Variants in ZNF704 observed in about 807,000 individuals in gnomAD.
The protein encoded by ZNF704 is zinc finger protein 704, also known as glucocorticoid induced gene 1.
ZNF704 carries 10 observed loss-of-function variants against 44.7 expected under a neutral mutation model. The ratio of observed to expected loss-of-function variants is 0.22; its 90% CI spans 0.14 to 0.38. The LOEUF (loss-of-function observed/expected upper bound fraction) is 0.38, where lower values mean the gene tolerates loss of function less well. Among genes scored for constraint, ZNF704 ranks in the 10% least tolerant of loss-of-function variants. The probability of loss-of-function intolerance (pLI) is 1.00; values close to 1 mark genes in which losing one functional copy is unlikely to be tolerated. For missense variants in ZNF704, 390 were observed against 545.5 expected (o/e 0.71, Z 2.84); for synonymous variants, 211 against 207.6 (o/e 1.02, Z -0.14).
chr8:80,795,281 C>T (rs558641599), intron 2 of ZNF704, among the ~76,000 whole-genome samples: 41 of 152,104 alleles, frequency 2.7e-4, no homozygotes, highest in Middle Eastern at 6.8e-3. Context: ...TTTAATGGCA[C>T]GGAATAAAAA....
At chr8:80,829,272 A>C (rs1370883041) in intron 1 of ZNF704, among the ~76,000 whole-genome samples, 1 of 152,194 alleles carries the variant, frequency 6.6e-6, no homozygotes, top group Non-Finnish European at 1.5e-5. Context: ...ATCACTAGTC[A>C]ATGCACTGCG....
intron 1 of ZNF704, among the ~76,000 whole-genome samples, chr8:80,868,168 T>G (rs1809189989): frequency 1.3e-5 from 2 of 152,218 alleles, no homozygotes; most frequent in Non-Finnish European, 2.9e-5. Flanking sequence ...CTTTTCTGGT[T>G]TTTTGGTAAT....
Position 80,793,604 on chromosome 8 carries a change from ATAG to A in ZNF704, c.221+27767_221+27769del, listed in dbSNP as rs1189815868. Reference sequence around the variant, plus strand: ...TGGGTAGAATAATAACAAAGTATTAATAGTAGTATCCATAAACCAAACGGCTGG... The same window carrying A: ...TGGGTAGAATAATAACAAAGTATTAATAGTATCCATAAACCAAACGGCTGG... On this transcript the variant is annotated intron_variant, in intron 2 of 8. Transcript: ENST00000327835. Among the ~76,000 whole-genome samples the A allele has an allele frequency of 4.6e-5, 7 of 152,106 alleles. No homozygotes were observed. The South Asian group carries it at 8.3e-4, about 18-fold the overall frequency.
At chr8:80,643,990 G>A (rs1390764955) in intron 7 of ZNF704, among the ~76,000 whole-genome samples, 1 of 152,108 alleles carries the variant, frequency 6.6e-6, no homozygotes, top group Non-Finnish European at 1.5e-5. Flanking sequence ...AGACTCTCAC[G>A]TCCCAACAGG....
chr8:80,647,866 T>C (rs1235227150), intron 7 of ZNF704, among the ~76,000 whole-genome samples: 1 of 152,180 alleles, frequency 6.6e-6, no homozygotes, highest in Non-Finnish European at 1.5e-5. Context: ...GAACAGGGTT[T>C]GAGGGACATG....
At chr8:80,783,994 G>C (rs1226971823) in intron 2 of ZNF704, among the ~76,000 whole-genome samples, 1 of 152,150 alleles carries the variant, frequency 6.6e-6, no homozygotes, top group Non-Finnish European at 1.5e-5. Context: ...AGCCTTTTCA[G>C]ATTGGCTTCT....
chr8:80,865,413 A>G (rs1297935356), intron 1 of ZNF704, among the ~76,000 whole-genome samples: 1 of 152,216 alleles, frequency 6.6e-6, no homozygotes, highest in Non-Finnish European at 1.5e-5. Flanking sequence ...CAGAGAAGTA[A>G]CAGTTGGGTG....
At chr8:80,727,467 T>A (rs1029390191) in intron 2 of ZNF704, among the ~76,000 whole-genome samples, 46 of 151,910 alleles carry the variant, frequency 3.0e-4, no homozygotes, top group Non-Finnish European at 4.4e-5. Context: ...TAATACAAAA[T>A]AACCAAAACG....
At position 80,634,260 on chromosome 8, in the gene ZNF704, C is replaced by G. The variant is rs1483136588; in HGVS notation, c.*7106G>C. On this transcript the variant is annotated 3_prime_UTR_variant, in exon 9 of 9. Coordinates refer to ENST00000327835, the MANE Select transcript of ZNF704 (RefSeq NM_001033723.3). ...TGATTCAACACTTTACGGGGCACAG[C>G]CTGGGCATGCCAAAAGGAGGCAGAG... 6.6e-6 allele frequency: 1 copy of G among 152,246 alleles called. No individual in the cohort carries two copies. The highest frequency in any genetic ancestry group is 1.5e-5 in the Non-Finnish European group (1 of 68,068). 9.4% of individuals were successfully genotyped at this position (152,246 alleles called of 1,614,324 possible).
intron 2 of ZNF704, among the ~76,000 whole-genome samples, chr8:80,766,488 G>T (rs1807229688): frequency 6.6e-6 from 1 of 152,106 alleles, no homozygotes; most frequent in South Asian, 2.1e-4. Flanking sequence ...CTCCCTTTGG[G>T]ATCAAAGCAA....
intron 1 of ZNF704, among the ~76,000 whole-genome samples, chr8:80,829,956 C>T (rs929179499): frequency 2.0e-5 from 3 of 152,090 alleles, no homozygotes; most frequent in Admixed American, 6.6e-5. Flanking sequence ...GTAATGCTAG[C>T]GGAAGGGGCA....
chr8:80,840,651 T>C (rs544090428), intron 1 of ZNF704, among the ~76,000 whole-genome samples: 74 of 152,288 alleles, frequency 4.9e-4, no homozygotes, highest in African/African-American at 1.8e-3. Context: ...AAGTTATCAA[T>C]AGAGTCGTCT....
intron 1 of ZNF704, among the ~76,000 whole-genome samples, chr8:80,847,308 G>A (rs2129986078): frequency 6.6e-6 from 1 of 152,236 alleles, no homozygotes; most frequent in East Asian, 1.9e-4. Flanking sequence ...ATTACAAATT[G>A]TTGGTGAAAT....
chr8:80,860,734 A>G (rs1266273107), intron 1 of ZNF704, among the ~76,000 whole-genome samples: 1 of 152,222 alleles, frequency 6.6e-6, no homozygotes, highest in African/African-American at 2.4e-5. Flanking sequence ...GACAAGATGC[A>G]TGTACATACT....
chr8:80,774,535 C>A (rs893202292), intron 2 of ZNF704, among the ~76,000 whole-genome samples: 1 of 152,094 alleles, frequency 6.6e-6, no homozygotes, highest in Admixed American at 6.6e-5. Flanking sequence ...GAGGTGAGTT[C>A]TGATTCCCCA....
In ZNF704 at chr8:80,628,746, C is replaced by T. The variant is rs1195823633; in HGVS notation, c.*12620G>A. The T allele has an allele frequency of 6.6e-6, 1 of 152,216 alleles. No individual in the cohort carries two copies. Among genetic ancestry groups the T allele is most frequent in the Non-Finnish European group, 1.5e-5 (1 of 68,038 alleles). 9.4% of individuals were successfully genotyped at this position (152,216 alleles called of 1,614,324 possible). On this transcript the variant is annotated 3_prime_UTR_variant, in exon 9 of 9. Coordinates refer to ENST00000327835, the MANE Select transcript of ZNF704 (RefSeq NM_001033723.3). ...CCAGAAGACGATTACTAAAGTGATT[C>T]TGACTATAAGCCTTTTCTTCTACTT...
At chr8:80,835,054 G>A (rs1336029060) in intron 1 of ZNF704, among the ~76,000 whole-genome samples, 2 of 152,162 alleles carry the variant, frequency 1.3e-5, no homozygotes, top group Admixed American at 1.3e-4. Flanking sequence ...GTGCTGCATG[G>A]AAGATTAGTC....
intron 1 of ZNF704, among the ~76,000 whole-genome samples, chr8:80,869,952 A>G (rs1198691274): frequency 3.3e-5 from 5 of 152,204 alleles, no homozygotes; most frequent in African/African-American, 1.2e-4. Context: ...ACAACTTCCA[A>G]CTGATAACCA....
At chr8:80,644,951 G>A (rs970761116) in intron 7 of ZNF704, 21 of 1,113,682 alleles carry the variant, frequency 1.9e-5, no homozygotes, top group South Asian at 3.7e-5. Context: ...TTGTTTTCTC[G>A]GGTAGTGGGT....
Sources: gnomAD v4.1 joint callset for allele counts (sites outside exome capture counted in the v4.1 genomes callset) on GRCh38, gnomAD v4.1.1 for gene constraint, MANE v1.5 for transcripts, NCBI Gene and HGNC (gene_info 2026-07-23, HGNC 2026-07-21) for gene names.